SEMA3C: variants seen among roughly 807,000 people sequenced by gnomAD.
SEMA3C encodes semaphorin-3C.
In SEMA3C, 47 loss-of-function variants were observed where a neutral mutation model predicts 89.4. The ratio of observed to expected loss-of-function variants is 0.53; its 90% confidence interval spans 0.42 to 0.67. The LOEUF (loss-of-function observed/expected upper bound fraction) is 0.67, where lower values mean the gene tolerates loss of function less well. Ranked by LOEUF, SEMA3C falls within the 30% of genes least tolerant of loss-of-function variation. SEMA3C has a pLI of 0.00. For synonymous variants in SEMA3C, 310 were observed against 320.2 expected (o/e 0.97, Z 0.34); for missense variants, 839 against 929.1 (o/e 0.90, Z 1.26).
At chr7:80,919,084 G>A (rs1229499554), upstream of SEMA3C, 52 of 985,062 alleles carry the variant, frequency 5.3e-5, no homozygotes, top group Non-Finnish European at 5.9e-5. Flanking sequence ...GGGGGCGAGC[G>A]CTCTTGGTGT....
intron 17 of SEMA3C, 47 bp downstream of exon 17, chr7:80,748,851 G>A (rs1200226554): frequency 2.6e-6 from 4 of 1,539,870 alleles, no homozygotes; most frequent in East Asian, 2.3e-5. Context: ...GTGATTTAAT[G>A]TTCTCTCTGA....
At chr7:80,865,486 T>C (rs1236755245) in intron 2 of SEMA3C, among the ~76,000 whole-genome samples, 1 of 152,144 alleles carries the variant, frequency 6.6e-6, no homozygotes, top group African/African-American at 2.4e-5. Context: ...CATCTTTCCA[T>C]CTTTAAGAAT....
At chr7:80,821,458 T>C (rs1349912052) in intron 4 of SEMA3C, among the ~76,000 whole-genome samples, 1 of 151,876 alleles carries the variant, frequency 6.6e-6, no homozygotes, top group Non-Finnish European at 1.5e-5. Context: ...GTCGCTCTGC[T>C]ACCCAGGCTG....
At chr7:80,833,501 T>A (rs1343227073) in intron 2 of SEMA3C, among the ~76,000 whole-genome samples, 1 of 151,860 alleles carries the variant, frequency 6.6e-6, no homozygotes, top group African/African-American at 2.4e-5. Flanking sequence ...AAATCGTCAA[T>A]CTATCGCATT....
At position 80,868,630 on chromosome 7, in the gene SEMA3C, C is replaced by T. The variant is rs117890431; in HGVS notation, c.104-39885G>A. 8.3e-3 allele frequency among the ~76,000 whole-genome samples: 1,262 copies of T among 152,134 alleles called. 13 individuals are homozygous for T. The highest frequency in any genetic ancestry group is 0.082 in the Middle Eastern group (24 of 294). ...ATATATTATTTAATCATGTTTGTAA[C>T]CAGAGGATGACCATATACTTTCCTT... On this transcript the variant is annotated intron_variant, in intron 2 of 17. Transcript: ENST00000265361.
chr7:80,886,138 G>A (rs1481685082), intron 2 of SEMA3C, among the ~76,000 whole-genome samples: 2 of 151,992 alleles, frequency 1.3e-5, no homozygotes, highest in Non-Finnish European at 1.5e-5. Context: ...TACTGTTGAA[G>A]ATTCTATCTA....
At chr7:80,758,582 G>T (rs1000685479) in intron 14 of SEMA3C, 94 bp from the exon 15 acceptor site, 1 of 1,253,540 alleles carries the variant, frequency 8.0e-7, no homozygotes, top group Non-Finnish European at 1.2e-6. Flanking sequence ...ACAAACCCTT[G>T]GATTCATTTT....
chr7:80,905,861 G>A lies in SEMA3C; in HGVS notation c.103+10818C>T, dbSNP rs553831437. On this transcript the variant is annotated intron_variant, in intron 2 of 17. Coordinates refer to ENST00000265361, the MANE Select transcript of SEMA3C (RefSeq NM_006379.5). ...GGTGGTTGCTGAGGACCAAATTCAC[G>A]CCACACTTCTTTTTGTACCCACAGA... The A allele has an allele frequency of 1.9e-5, 24 of 1,289,598 alleles. No homozygotes were observed. In the Admixed American group the frequency reaches 2.5e-4, roughly 14 times the overall value. 79.9% of individuals were successfully genotyped at this position (1,289,598 alleles called of 1,614,324 possible). A position where few individuals can be genotyped will look rare whatever the true frequency, so the allele number is the denominator to read the frequency against.
chr7:80,757,596 T>G lies in SEMA3C; in HGVS notation c.1643+735A>C, dbSNP rs77852581. 5.7e-3 allele frequency among the ~76,000 whole-genome samples: 870 copies of G among 152,316 alleles called. 45 individuals carry two copies. The East Asian group carries it at 0.11, about 20-fold the overall frequency. ...AACCAGCATTATAAGATAATTATATTGTATCCTTGTTTACAAGATAATTAA... is the reference window on the plus strand; with the variant it reads ...AACCAGCATTATAAGATAATTATATGGTATCCTTGTTTACAAGATAATTAA... On this transcript the variant is annotated intron_variant, in intron 15 of 17. Transcript: ENST00000265361.
intron 12 of SEMA3C, among the ~76,000 whole-genome samples, chr7:80,785,117 T>C (rs1788772743): frequency 1.3e-5 from 2 of 152,172 alleles, no homozygotes; most frequent in African/African-American, 4.8e-5. Flanking sequence ...TGCAGTTTGA[T>C]GGGAGTAGAA....
At chr7:80,748,528 C>CT (rs1787850383) in intron 17 of SEMA3C, among the ~76,000 whole-genome samples, 1 of 152,140 alleles carries the variant, frequency 6.6e-6, no homozygotes, top group Admixed American at 6.6e-5. Context: ...GAAAACTGAA[C>CT]TTTTTTTTAA....
intron 12 of SEMA3C, among the ~76,000 whole-genome samples, chr7:80,782,292 A>G (rs1788708711): frequency 6.6e-6 from 1 of 152,206 alleles, no homozygotes; most frequent in Non-Finnish European, 1.5e-5. Flanking sequence ...AGTTCGTCCA[A>G]GTCTTCTCTG....
At chr7:80,755,206 CTTTG>C (rs1374118128) in intron 15 of SEMA3C, among the ~76,000 whole-genome samples, 3 of 151,392 alleles carry the variant, frequency 2.0e-5, no homozygotes, top group South Asian at 2.1e-4. Flanking sequence ...AGACTCATTT[CTTTG>C]TTTATTAAAA....
intron 17 of SEMA3C, among the ~76,000 whole-genome samples, chr7:80,746,018 G>T (rs543738221): frequency 1.4e-4 from 21 of 151,920 alleles, no homozygotes; most frequent in Non-Finnish European, 1.5e-4. Flanking sequence ...TTGTTTACTG[G>T]GTATCAGTAA....
intron 11 of SEMA3C, among the ~76,000 whole-genome samples, chr7:80,794,512 C>A (rs931617645): frequency 2.6e-5 from 4 of 152,010 alleles, no homozygotes; most frequent in Non-Finnish European, 5.9e-5. Flanking sequence ...CGTATGTAAT[C>A]AACAAAACTG....
intron 4 of SEMA3C, among the ~76,000 whole-genome samples, chr7:80,819,367 C>A (rs1238156794): frequency 6.6e-6 from 1 of 152,088 alleles, no homozygotes; most frequent in Non-Finnish European, 1.5e-5. Flanking sequence ...TAAATGTATT[C>A]TTTACCTGAG....
chr7:80,864,198 T>G (rs1166200895), intron 2 of SEMA3C, among the ~76,000 whole-genome samples: 1 of 151,738 alleles, frequency 6.6e-6, no homozygotes, highest in Non-Finnish European at 1.5e-5. Flanking sequence ...GCTATGAGGA[T>G]GCAAAGGCGT....
chr7:80,775,274 C>A lies in SEMA3C; in HGVS notation c.1355-10031G>T, dbSNP rs945816880. On this transcript the variant is annotated intron_variant, in intron 12 of 17. Transcript: ENST00000265361. ...AAAGGAATGAGAACCCGGTATGATT[C>A]TCTTTTTGTTAGTGCCAACTGGTTT... Among the ~76,000 whole-genome samples the A allele has an allele frequency of 2.6e-5, 4 of 152,072 alleles. No individual in the cohort carries two copies. The South Asian group carries it at 8.3e-4, about 32-fold the overall frequency.
At chr7:80,896,323 G>A (rs892992458) in intron 2 of SEMA3C, among the ~76,000 whole-genome samples, 2 of 152,110 alleles carry the variant, frequency 1.3e-5, no homozygotes, top group African/African-American at 2.4e-5. Flanking sequence ...TTAAATCACA[G>A]TTATGTAAAA....
Sources: allele counts gnomAD v4.1 joint callset (sites outside exome capture counted in the v4.1 genomes callset), GRCh38; gene constraint gnomAD v4.1.1; transcripts MANE v1.5; gene names NCBI Gene and HGNC (gene_info 2026-07-23, HGNC 2026-07-21).